CELSR2: variants seen among roughly 807,000 people sequenced by gnomAD.
The protein encoded by CELSR2 is EGF-like protein 2.
In CELSR2, 81 loss-of-function variants were observed where a neutral mutation model predicts 251.6. That is an observed-to-expected ratio of 0.32 (90% CI 0.27 to 0.39). The LOEUF is 0.39. CELSR2 is among the 10% of genes least tolerant of loss of function. The probability of loss-of-function intolerance (pLI) is 1.00; values close to 1 mark genes in which losing one functional copy is unlikely to be tolerated. For missense variants in CELSR2, 3,365 were observed against 3,947.7 expected (o/e 0.85, Z 3.96); for synonymous variants, 1,721 against 1,670.5 (o/e 1.03, Z -0.74).
rs200542878 is a variant in CELSR2 at position 109,251,875 on chromosome 1, C to G, written c.1796C>G (p.Thr599Ser). ...ALTASASVSVTVLDVNDNNPT... is the reference protein window; with the variant it reads ...ALTASASVSVSVLDVNDNNPT... Reference sequence around the variant, plus strand: ...ACTGCCTCGGCCAGTGTCAGCGTGACTGTCCTGGATGTCAACGACAACAAT... The same window carrying G: ...ACTGCCTCGGCCAGTGTCAGCGTGAGTGTCCTGGATGTCAACGACAACAAT... The change falls in exon 1 of 34, where the codon ACT (threonine) becomes AGT (serine). Residue 599 changes from threonine to serine, a missense_variant. Around this residue, in one of 5 missense-constraint regions of CELSR2, gnomAD observed 60 missense variants for 104.8 expected, o/e 0.57. Transcript: ENST00000271332. This position sits in a 1 kb window ranked among gnomAD's most constrained non-coding sequence, Gnocchi z 4.9. 88 of 1,613,982 alleles carry G rather than the reference C, an allele frequency of 5.5e-5. No homozygotes were observed. Among genetic ancestry groups the G allele is most frequent in the Middle Eastern group, 1.6e-4 (1 of 6,084 alleles).
Position 109,251,193 on chromosome 1 carries a change from C to T in CELSR2, c.1114C>T (p.Gln372Ter). 6.2e-7 allele frequency: 1 copy of T among 1,613,758 alleles called. No homozygotes were observed. The highest frequency in any genetic ancestry group is 8.5e-7 in the Non-Finnish European group (1 of 1,180,004). The change falls in exon 1 of 34, where the codon CAG becomes TAG. Residue 372 changes from glutamine to a stop codon, truncating the protein, a stop_gained. Transcript: ENST00000271332. LOFTEE classifies it high-confidence loss of function. This position sits in a 1 kb window ranked among gnomAD's most constrained non-coding sequence, Gnocchi z 4.9. ...CCAGCTGACGGTAGAGGCAAGTGAC[C>T]AGGGTCGGGACCCGGGTCCTCGGAG... ...SYQLTVEASD[Q>*]GRDPGPRSTT... is the part of the protein sequence containing the mutation.
chr1:109,274,054 G>C lies in CELSR2; in HGVS notation c.*5G>C. On this transcript the variant is annotated 3_prime_UTR_variant, in exon 34 of 34. Transcript: ENST00000271332. ...TTCTTTAACTTCCTGCATTAACCCT[G>C]GGCCGTGGTTCCTACGCCCGAGGCT... 3 of 1,614,012 alleles carry C rather than the reference G, an allele frequency of 1.9e-6. No individual in the cohort carries two copies. Among genetic ancestry groups the C allele is most frequent in the Non-Finnish European group, 2.5e-6 (3 of 1,180,004 alleles).
In CELSR2 at chr1:109,251,973, G is replaced by A; in HGVS notation, c.1894G>A (p.Val632Met). Residue 632 changes from valine (V) to methionine (M), a missense_variant, in exon 1 of 34, where the codon GTG (valine) becomes ATG (methionine). Val to Met is a conservative substitution (Grantham distance 21). Transcript: ENST00000271332. This position sits in a 1 kb window ranked among gnomAD's most constrained non-coding sequence, Gnocchi z 4.9. ...DAAVGTSVVT[V>M]SAVDRDAHSV... ...AGCTGTGGGCACCAGCGTGGTGACGGTGTCAGCTGTGGACCGTGATGCTCA... is the reference window on the plus strand; with the variant it reads ...AGCTGTGGGCACCAGCGTGGTGACGATGTCAGCTGTGGACCGTGATGCTCA... The A allele has an allele frequency of 6.2e-7, 1 of 1,614,130 alleles. No individual in the cohort carries two copies. Among genetic ancestry groups the A allele is most frequent in the Non-Finnish European group, 8.5e-7 (1 of 1,180,034 alleles).
In CELSR2 at chr1:109,252,229, A is replaced by C. The variant is rs1655714276; in HGVS notation, c.2150A>C (p.Tyr717Ser). ...THRPVFQSSH[Y>S]TVNVNEDRPA... is the part of the protein sequence containing the mutation. ...CGTCCTGTCTTTCAGAGCTCCCACTATACAGTGAATGTTAATGAGGACCGG... is the reference window on the plus strand; with the variant it reads ...CGTCCTGTCTTTCAGAGCTCCCACTCTACAGTGAATGTTAATGAGGACCGG... The change falls in exon 1 of 34, where the codon TAT (tyrosine) becomes TCT (serine). Residue 717 changes from tyrosine to serine, a missense_variant. Tyr to Ser is a moderately radical substitution (Grantham distance 144). Around this residue, in one of 5 missense-constraint regions of CELSR2, gnomAD observed 505 missense variants for 660.0 expected, o/e 0.77. Coordinates refer to ENST00000271332, the MANE Select transcript of CELSR2 (RefSeq NM_001408.3). This position sits in a 1 kb window ranked among gnomAD's most constrained non-coding sequence, Gnocchi z 4.8. 2 of 1,613,560 alleles carry C rather than the reference A, an allele frequency of 1.2e-6. No individual in the cohort carries two copies. The highest frequency in any genetic ancestry group is 4.5e-5 in the East Asian group (2 of 44,880).
In CELSR2 at chr1:109,253,017, G is replaced by A. The variant is rs1655740289; in HGVS notation, c.2938G>A (p.Ala980Thr). 1.2e-6 allele frequency: 2 copies of A among 1,613,348 alleles called. No individual in the cohort carries two copies. The highest frequency in any genetic ancestry group is 1.7e-5 in the Admixed American group (1 of 60,018). Residue 980 changes from alanine to threonine, a missense_variant, in exon 1 of 34, where the codon GCC (alanine) becomes ACC (threonine). Around this residue, in one of 5 missense-constraint regions of CELSR2, gnomAD observed 505 missense variants for 660.0 expected, o/e 0.77. Transcript: ENST00000271332. ...GGACATCTTCTCCGGGGAGCTGACA[G>A]CCCTGGTAGACTTAGACTACGAGGA... ...QLDIFSGELTALVDLDYEDRP... is the reference protein window; with the variant it reads ...QLDIFSGELTTLVDLDYEDRP...
chr1:109,272,875 A>G lies in CELSR2; in HGVS notation c.8186A>G (p.Asp2729Gly). Residue 2729 changes from aspartate (D) to glycine (G), a missense_variant, in exon 31 of 34, where the codon GAC (aspartate) becomes GGC (glycine). Physicochemically the swap from Asp to Gly is moderately conservative, Grantham distance 94. This residue lies in a region of CELSR2 where 2,093 missense variants were observed against 2,382.8 expected (regional missense o/e 0.88). Transcript: ENST00000271332. ...DSDSDLSLED[D>G]QSGSYASTHS... ...GACAGTGACCTGTCCTTAGAAGACG[A>G]CCAGAGTGGCTCCTATGCCTCTACC... The G allele has an allele frequency of 6.2e-7, 1 of 1,613,942 alleles. No individual in the cohort carries two copies. The highest frequency in any genetic ancestry group is 1.1e-5 in the South Asian group (1 of 91,072).
rs139406620 is a variant in CELSR2 at position 109,263,169 on chromosome 1, A to T, written c.4736A>T (p.Asp1579Val). ...PGCPAKKNVC[D>V]SNTCHNGGTC... ...TGCCCTGCCAAGAAGAACGTGTGTG[A>T]CAGCAACACTTGCCACAATGGGGGC... The change falls in exon 8 of 34, where the codon GAC becomes GTC. Residue 1579 changes from aspartate to valine, a missense_variant. This residue lies in a region of CELSR2 where 2,093 missense variants were observed against 2,382.8 expected (regional missense o/e 0.88). Transcript: ENST00000271332. 1.2e-3 allele frequency: 1,947 copies of T among 1,600,028 alleles called. 3 individuals carry two copies. Among genetic ancestry groups the T allele is most frequent in the Admixed American group, 1.6e-3 (94 of 59,778 alleles).
chr1:109,250,987 A>G lies in CELSR2; in HGVS notation c.908A>G (p.Glu303Gly). ...EYKESLRENL[E>G]VGYEVLTVRA... The stretch of plus-strand genomic sequence containing the variant: ...AAGGAGAGCCTCAGGGAGAACCTGG[A>G]GGTTGGCTATGAGGTGCTCACTGTC... The change falls in exon 1 of 34, where the codon GAG becomes GGG. Residue 303 changes from glutamate (E) to glycine (G), a missense_variant. This residue lies in a region of CELSR2 where 704 missense variants were observed against 784.1 expected (regional missense o/e 0.90). Transcript: ENST00000271332. This position sits in a 1 kb window ranked among gnomAD's most constrained non-coding sequence, Gnocchi z 4.4. The G allele has an allele frequency of 6.2e-7, 1 of 1,613,528 alleles. No homozygotes were observed. The highest frequency in any genetic ancestry group is 8.5e-7 in the Non-Finnish European group (1 of 1,179,946).
chr1:109,255,379 T>TC (rs1655817967), intron 1 of CELSR2, among the ~76,000 whole-genome samples: 2 of 152,206 alleles, frequency 1.3e-5, no homozygotes, highest in African/African-American at 4.8e-5. Context: ...GGCTTTGTCT[T>TC]CCCCTGTTTG....
intron 13 of CELSR2, 138 bp from the exon 14 acceptor site, chr1:109,265,597 G>C: frequency 2.8e-6 from 3 of 1,053,430 alleles, no homozygotes; most frequent in Non-Finnish European, 4.1e-6. Context: ...AGCATTGCTA[G>C]TGTTAATTAT....
Position 109,265,932 on chromosome 1 carries a change from G to A in CELSR2, c.5911+14G>A. On this transcript the variant is annotated intron_variant, in intron 14 of 33. Coordinates refer to ENST00000271332, the MANE Select transcript of CELSR2 (RefSeq NM_001408.3). The stretch of plus-strand genomic sequence containing the variant: ...ATGGCTGTGAAGGTGGGGCTCCTGG[G>A]ATGGGTGGGCAGCCCTCCTTACAGT... 1.2e-6 allele frequency: 2 copies of A among 1,607,326 alleles called. No individual in the cohort carries two copies. Among genetic ancestry groups the A allele is most frequent in the Non-Finnish European group, 1.7e-6 (2 of 1,175,674 alleles).
chr1:109,270,375 T>C lies in CELSR2; in HGVS notation c.7309-51T>C, dbSNP rs748102279. ...TCCATGCCTGACCCGAAGCAGAGCC[T>C]GTGCTCTGGGCGGGCCCCGGTCGCT... On this transcript the variant is annotated intron_variant, in intron 23 of 33. Coordinates refer to ENST00000271332, the MANE Select transcript of CELSR2 (RefSeq NM_001408.3). The C allele has an allele frequency of 1.0e-5, 16 of 1,592,594 alleles. No individual in the cohort carries two copies. In the South Asian group the frequency reaches 1.8e-4, roughly 18 times the overall value.
chr1:109,273,066 G>A (rs1656418936), intron 31 of CELSR2, 39 bp downstream of exon 31: 2 of 1,596,038 alleles, frequency 1.3e-6, no homozygotes, highest in African/African-American at 2.7e-5. Context: ...GGGGCCAGTG[G>A]GAGGACAGTG....
chr1:109,267,595 A>G lies in CELSR2; in HGVS notation c.6061A>G (p.Asn2021Asp). 6.2e-7 allele frequency: 1 copy of G among 1,614,106 alleles called. No homozygotes were observed. The highest frequency in any genetic ancestry group is 8.5e-7 in the Non-Finnish European group (1 of 1,179,996). ...CDEHRGWLPP[N>D]LFNCTSITFS... Reference sequence around the variant, plus strand: ...TGAGCACAGGGGGTGGCTCCCCCCAAACCTCTTCAACTGCACGTCCATCAC... The same window carrying G: ...TGAGCACAGGGGGTGGCTCCCCCCAGACCTCTTCAACTGCACGTCCATCAC... The change falls in exon 16 of 34, where the codon AAC becomes GAC. Residue 2021 changes from asparagine (N) to aspartate (D), a missense_variant. This residue lies in a region of CELSR2 where 2,093 missense variants were observed against 2,382.8 expected (regional missense o/e 0.88). Transcript: ENST00000271332.
rs750600318 is a variant in CELSR2, at chr1:109,273,345, G to A, written c.8509+9G>A. 23 of 1,600,568 alleles carry A rather than the reference G, an allele frequency of 1.4e-5. No individual in the cohort carries two copies. The highest frequency in any genetic ancestry group is 1.8e-5 in the Non-Finnish European group (21 of 1,173,166). On this transcript the variant is annotated intron_variant, in intron 32 of 33. Transcript: ENST00000271332. ...TGCCCAGCCTCACAAAGGTGAGTGG[G>A]GCACCCCCAGCTGCCGAGCTCCCCT...
At chr1:109,270,744 C>A in intron 24 of CELSR2, 144 bp downstream of exon 24, 2 of 1,173,778 alleles carry the variant, frequency 1.7e-6, no homozygotes, top group Non-Finnish European at 1.2e-6. Context: ...TCTGGTTTAA[C>A]CCAGACTCTG....
chr1:109,272,336 C>T lies in CELSR2; in HGVS notation c.7985C>T (p.Ser2662Leu), dbSNP rs1277268167. The T allele has an allele frequency of 3.1e-6, 5 of 1,612,400 alleles. No individual in the cohort carries two copies. Among genetic ancestry groups the T allele is most frequent in the African/African-American group, 1.3e-5 (1 of 74,922 alleles). The change falls in exon 29 of 34, where the codon TCG becomes TTG. Residue 2662 changes from serine to leucine, a missense_variant. Around this residue, in one of 5 missense-constraint regions of CELSR2, gnomAD observed 2,093 missense variants for 2,382.8 expected, o/e 0.88. Coordinates refer to ENST00000271332, the MANE Select transcript of CELSR2 (RefSeq NM_001408.3). The part of the protein sequence containing the change: ...DGRLYQPYGD[S>L]AGSLHSTSRS... The stretch of plus-strand genomic sequence containing the variant: ...CGGCTGTACCAGCCCTACGGAGACT[C>T]GGCCGGCTCTCTGCACAGCACCAGT...
Position 109,258,848 on chromosome 1 carries a change from T to C in CELSR2, c.3727T>C (p.Cys1243Arg), listed in dbSNP as rs1482311202. Residue 1243 changes from cysteine (C) to arginine (R), a missense_variant, in exon 2 of 34, where the codon TGC (cysteine) becomes CGC (arginine). Cys to Arg is a radical substitution (Grantham distance 180, BLOSUM62 -3). This residue lies in a region of CELSR2 where 2,093 missense variants were observed against 2,382.8 expected (regional missense o/e 0.88). Transcript: ENST00000271332. Reference protein sequence around the residue: ...LREPCENYMRCVSVLRFDSSA... With the variant: ...LREPCENYMRRVSVLRFDSSA... ...GGAGCCCTGCGAGAACTACATGCGC[T>C]GCGTGTCGGTGCTGCGCTTCGACTC... is the stretch of plus-strand genomic sequence containing the variant. 6.2e-7 allele frequency: 1 copy of C among 1,612,364 alleles called. No individual in the cohort carries two copies. The highest frequency in any genetic ancestry group is 8.5e-7 in the Non-Finnish European group (1 of 1,179,356).
chr1:109,254,754 C>T (rs1451387796), intron 1 of CELSR2, among the ~76,000 whole-genome samples: 2 of 152,154 alleles, frequency 1.3e-5, no homozygotes, highest in African/African-American at 4.8e-5. Context: ...GCCTCCCTGC[C>T]CCACCCTTCA....
Sources: gnomAD v4.1 joint callset for allele counts (sites outside exome capture counted in the v4.1 genomes callset) on GRCh38, gnomAD v4.1.1 for gene constraint, gnomAD v4.1.1 regional missense constraint, Gnocchi (gnomAD v3.1) non-coding constraint, MANE v1.5 for transcripts, NCBI Gene and HGNC (gene_info 2026-07-23, HGNC 2026-07-21) for gene names.